Variants in EXOC6 observed in about 807,000 individuals in gnomAD.
EXOC6 encodes the protein SEC15-like 1.
In EXOC6, 60 loss-of-function variants were observed where a neutral mutation model predicts 112.5. The observed-to-expected ratio is 0.53, with a 90% CI of 0.43 to 0.66. The LOEUF is 0.66. Ranked by LOEUF, EXOC6 falls within the 30% of genes least tolerant of loss-of-function variation. The pLI is 0.00. For missense variants in EXOC6, 855 were observed against 957.1 expected, an observed-to-expected ratio of 0.89 and a Z score of 1.41; for synonymous variants, 295 against 308.0, an observed-to-expected ratio of 0.96 and a Z score of 0.44.
chr10:93,021,078 A>G (rs1028266330), intron 20 of EXOC6, among the ~76,000 whole-genome samples: 2 of 151,924 alleles, frequency 1.3e-5, no homozygotes, highest in East Asian at 3.9e-4. Flanking sequence ...GGCTCAACAG[A>G]CTTTGTCCCA....
chr10:93,040,527 G>C (rs899737406), intron 20 of EXOC6, among the ~76,000 whole-genome samples: 1 of 152,204 alleles, frequency 6.6e-6, no homozygotes, highest in Non-Finnish European at 1.5e-5. Context: ...GATTACAGGC[G>C]TGAGCCACTG....
chr10:92,909,421 T>G lies in EXOC6; in HGVS notation c.459-6T>G. Reference sequence around the variant, plus strand: ...TTATAGAGTTTTCTTTTTTAACTTCTCACAGGTACTATTCTGCCCTAAAAA... The same window carrying G: ...TTATAGAGTTTTCTTTTTTAACTTCGCACAGGTACTATTCTGCCCTAAAAA... On this transcript the variant is annotated splice_region_variant and splice_polypyrimidine_tract_variant and intron_variant, in intron 5 of 21. Coordinates refer to ENST00000260762, the MANE Select transcript of EXOC6 (RefSeq NM_019053.6). 1 of 1,577,922 alleles carries G rather than the reference T, an allele frequency of 6.3e-7. No homozygotes were observed. The highest frequency in any genetic ancestry group is 1.7e-4 in the Middle Eastern group (1 of 5,894).
chr10:92,888,504 T>G (rs1849341172), intron 1 of EXOC6, among the ~76,000 whole-genome samples: 1 of 152,220 alleles, frequency 6.6e-6, no homozygotes, highest in Admixed American at 6.5e-5. Flanking sequence ...GATAACAGTA[T>G]CTCCTTTATA....
chr10:93,035,183 G>C lies in EXOC6; in HGVS notation c.2169+20916G>C, dbSNP rs187075604. Among the ~76,000 whole-genome samples the C allele has an allele frequency of 2.2e-3, 330 of 152,296 alleles. 1 individual carries two copies. Among genetic ancestry groups the C allele is most frequent in the Non-Finnish European group, 2.2e-3 (153 of 68,022 alleles). ...TTAAAGGATTAGTCTGAACCTAAAT[G>C]ACTTTTGCGTTTTTCTTCTTTTTGC... On this transcript the variant is annotated intron_variant, in intron 20 of 21. Transcript: ENST00000260762.
intron 20 of EXOC6, among the ~76,000 whole-genome samples, chr10:93,025,280 T>C (rs1844975763): frequency 6.6e-6 from 1 of 152,210 alleles, no homozygotes; most frequent in African/African-American, 2.4e-5. Context: ...GGTATTTGGA[T>C]TAGACCACTG....
chr10:92,948,797 G>A (rs1853214493), intron 14 of EXOC6, among the ~76,000 whole-genome samples: 2 of 111,368 alleles, frequency 1.8e-5, no homozygotes, highest in African/African-American at 8.2e-5. Context: ...TCTTTGAATT[G>A]TTTATCACTG....
intron 20 of EXOC6, among the ~76,000 whole-genome samples, chr10:93,014,834 ACT>A (rs990960916): frequency 2.7e-5 from 4 of 150,076 alleles, no homozygotes; most frequent in African/African-American, 4.9e-5. Context: ...TCATTTAAAA[ACT>A]CTATTCATTT....
intron 9 of EXOC6, among the ~76,000 whole-genome samples, chr10:92,932,746 C>CA (rs1011018781): frequency 7.3e-5 from 11 of 150,976 alleles, no homozygotes; most frequent in African/African-American, 2.2e-4. Flanking sequence ...GAATGAATAG[C>CA]AAAAAAAGTA....
At chr10:92,934,711 A>G (rs1354223040) in intron 11 of EXOC6, among the ~76,000 whole-genome samples, 1 of 152,144 alleles carries the variant, frequency 6.6e-6, no homozygotes, top group East Asian at 1.9e-4. Context: ...GATCTCTGAA[A>G]AGCACCATGA....
chr10:92,977,753 G>A (rs1842686757), intron 18 of EXOC6, among the ~76,000 whole-genome samples: 1 of 152,058 alleles, frequency 6.6e-6, no homozygotes, highest in African/African-American at 2.4e-5. Flanking sequence ...GAGGTGATGG[G>A]TAGGAATTTT....
At chr10:92,875,495 A>C (rs1848643988) in intron 1 of EXOC6, among the ~76,000 whole-genome samples, 1 of 152,158 alleles carries the variant, frequency 6.6e-6, no homozygotes, top group African/African-American at 2.4e-5. Context: ...TATAGCCCTA[A>C]TTAGATTGCC....
chr10:92,954,647 A>G lies in EXOC6; in HGVS notation c.1544A>G (p.Asp515Gly), dbSNP rs1034808911. Residue 515 changes from aspartate (D) to glycine (G), a missense_variant, in exon 16 of 22, where the codon GAT (aspartate) becomes GGT (glycine). Coordinates refer to ENST00000260762, the MANE Select transcript of EXOC6 (RefSeq NM_019053.6). ...GTTTTTAGCTCAACAGAAATAGACG[A>G]TATGCTTAGAAAATCAACAAATCTG... ...SLHRSSTEIDDMLRKSTNLLL... is the reference protein window; with the variant it reads ...SLHRSSTEIDGMLRKSTNLLL... The G allele has an allele frequency of 1.7e-5, 27 of 1,594,458 alleles. No individual in the cohort carries two copies. Among genetic ancestry groups the G allele is most frequent in the Non-Finnish European group, 2.0e-5 (23 of 1,164,790 alleles).
At chr10:92,858,204 A>T (rs1447894967) in intron 1 of EXOC6, among the ~76,000 whole-genome samples, 1 of 151,880 alleles carries the variant, frequency 6.6e-6, no homozygotes, top group African/African-American at 2.4e-5. Context: ...CTGGATATGG[A>T]TCTCTTTATG....
intron 1 of EXOC6, among the ~76,000 whole-genome samples, chr10:92,870,503 A>G (rs1404288681): frequency 6.6e-6 from 1 of 152,030 alleles, no homozygotes; most frequent in Non-Finnish European, 1.5e-5. Flanking sequence ...TTGCTCTTTC[A>G]GTGTGTTTTT....
chr10:92,834,504 G>A (rs558364106), upstream of EXOC6, among the ~76,000 whole-genome samples: 2 of 152,284 alleles, frequency 1.3e-5, no homozygotes, highest in South Asian at 2.1e-4. Context: ...AAGGTTAATA[G>A]TAAGTAAAAT....
At chr10:92,934,510 A>G in intron 11 of EXOC6, 80 bp downstream of exon 11, 1 of 1,199,366 alleles carries the variant, frequency 8.3e-7, no homozygotes, top group Non-Finnish European at 1.1e-6. Context: ...TCAGAGGAAA[A>G]CTGTACCTCC....
chr10:92,998,724 A>G (rs756253073), intron 19 of EXOC6, among the ~76,000 whole-genome samples: 2 of 152,144 alleles, frequency 1.3e-5, no homozygotes, highest in Non-Finnish European at 2.9e-5. Context: ...TTATTTAGAA[A>G]ACAAAAGAAA....
chr10:93,058,599 A>G lies in EXOC6; in HGVS notation c.*244A>G. 6.3e-6 allele frequency: 2 copies of G among 319,072 alleles called. No individual in the cohort carries two copies. Among genetic ancestry groups the G allele is most frequent in the Non-Finnish European group, 5.7e-6 (1 of 176,648 alleles). 19.8% of individuals were successfully genotyped at this position (319,072 alleles called of 1,614,324 possible). ...CTTTTAGGGGAAAATGCAAAAGTGT[A>G]ATACATAAATTGTCACAAATTATAC... On this transcript the variant is annotated 3_prime_UTR_variant, in exon 22 of 22. Coordinates refer to ENST00000260762, the MANE Select transcript of EXOC6 (RefSeq NM_019053.6).
chr10:92,982,812 G>T (rs1055407670), intron 18 of EXOC6, among the ~76,000 whole-genome samples: 1 of 152,094 alleles, frequency 6.6e-6, no homozygotes, highest in Non-Finnish European at 1.5e-5. Context: ...GCTTTGGGCT[G>T]TAGTGTTTTA....
Sources: gnomAD v4.1 joint callset for allele counts (sites outside exome capture counted in the v4.1 genomes callset) on GRCh38, gnomAD v4.1.1 for gene constraint, MANE v1.5 for transcripts, NCBI Gene and HGNC (gene_info 2026-07-23, HGNC 2026-07-21) for gene names.